ADGRB3: variants seen among roughly 807,000 people sequenced by gnomAD.
ADGRB3 encodes brain-specific angiogenesis inhibitor 3.
A neutral mutation model predicts 193.4 loss-of-function variants in ADGRB3; 37 were observed. The observed-to-expected ratio is 0.19, with a 90% CI of 0.15 to 0.25. The LOEUF (loss-of-function observed/expected upper bound fraction) is 0.25. Ranked by LOEUF, ADGRB3 falls within the 10% of genes least tolerant of loss-of-function variation. ADGRB3 has a pLI of 1.00. For synonymous variants in ADGRB3, 690 were observed against 644.2 expected (o/e 1.07, Z -1.08); for missense variants, 1,637 against 1,852.9 (o/e 0.88, Z 2.14).
chr6:68,839,310 A>G (rs1768105606), intron 3 of ADGRB3, among the ~76,000 whole-genome samples: 1 of 152,200 alleles, frequency 6.6e-6, no homozygotes, highest in Admixed American at 6.5e-5. Flanking sequence ...CAGTGTTGTA[A>G]TATATTTTAA....
intron 3 of ADGRB3, among the ~76,000 whole-genome samples, chr6:68,879,921 AG>A (rs1189659998): frequency 3.3e-5 from 5 of 152,270 alleles, no homozygotes; most frequent in African/African-American, 1.2e-4. Flanking sequence ...AGCAGATATG[AG>A]GCTTTCACTC....
intron 20 of ADGRB3, among the ~76,000 whole-genome samples, chr6:69,255,653 G>A (rs1766748647): frequency 6.6e-6 from 1 of 152,128 alleles, no homozygotes; most frequent in African/African-American, 2.4e-5. Flanking sequence ...TTTGTGGGTT[G>A]CCTGTTCACT....
intron 3 of ADGRB3, among the ~76,000 whole-genome samples, chr6:68,899,082 G>A (rs913166224): frequency 3.9e-5 from 6 of 152,092 alleles, no homozygotes; most frequent in African/African-American, 1.4e-4. Context: ...ATATACCATA[G>A]TAATGTAAGA....
chr6:68,814,061 G>A (rs574360182), intron 3 of ADGRB3, among the ~76,000 whole-genome samples: 6 of 152,010 alleles, frequency 3.9e-5, no homozygotes, highest in African/African-American at 1.5e-4. Flanking sequence ...TAATCCTTTG[G>A]GTATATACCC....
chr6:69,326,656 A>C (rs1278424831), intron 21 of ADGRB3, among the ~76,000 whole-genome samples: 1 of 152,134 alleles, frequency 6.6e-6, no homozygotes, highest in East Asian at 1.9e-4. Context: ...TCTAGAAAAA[A>C]TTTAATCTAA....
At chr6:69,036,589 A>C (rs1188533358) in intron 13 of ADGRB3, among the ~76,000 whole-genome samples, 1 of 152,152 alleles carries the variant, frequency 6.6e-6, no homozygotes, top group Non-Finnish European at 1.5e-5. Flanking sequence ...GTAAAAAAAA[A>C]ATTACATAAT....
At chr6:69,366,465 G>A (rs766182116) in intron 29 of ADGRB3, among the ~76,000 whole-genome samples, 12 of 152,186 alleles carry the variant, frequency 7.9e-5, no homozygotes, top group East Asian at 1.9e-4. Context: ...TTGCAGTGAC[G>A]AAAATAATGA....
At chr6:69,292,726 A>G (rs1416102131) in intron 20 of ADGRB3, among the ~76,000 whole-genome samples, 1 of 148,272 alleles carries the variant, frequency 6.7e-6, no homozygotes, top group African/African-American at 2.5e-5. Flanking sequence ...TTTTTTTTTT[A>G]TTATTACCAT....
In ADGRB3 at chr6:69,031,025, T is replaced by C. The variant is rs1388821771; in HGVS notation, c.2107+12526T>C. On this transcript the variant is annotated intron_variant, in intron 13 of 31. Coordinates refer to ENST00000370598, the MANE Select transcript of ADGRB3 (RefSeq NM_001704.3). ...CCTTTCTTTTCTTTTCTTTTTTTTT[T>C]CCTCTTCTCTTCTCTCTTCTCTTCT... 3.3e-4 allele frequency among the ~76,000 whole-genome samples: 23 copies of C among 68,964 alleles called. 2 individuals are homozygous for C. Among genetic ancestry groups the C allele is most frequent in the African/African-American group, 8.0e-4 (11 of 13,760 alleles). 45.2% of individuals were successfully genotyped at this position (68,964 alleles called of 152,430 possible).
chr6:69,132,536 G>T (rs1215267184), intron 17 of ADGRB3, among the ~76,000 whole-genome samples: 2 of 152,058 alleles, frequency 1.3e-5, no homozygotes, highest in Admixed American at 1.3e-4. Context: ...CCCTTTGTCA[G>T]ATGGATAGAT....
rs571741877 is a variant in ADGRB3 at position 68,961,709 on chromosome 6, G to T, written c.1525+4900G>T. 3.9e-5 allele frequency among the ~76,000 whole-genome samples: 6 copies of T among 152,168 alleles called. No individual in the cohort carries two copies. The East Asian group carries it at 7.7e-4, about 20-fold the overall frequency. ...ATAAAATTTACATTTCTTTTCTAAA[G>T]AGAAAATACACTACTCCATAATGAA... On this transcript the variant is annotated intron_variant, in intron 8 of 31. Coordinates refer to ENST00000370598, the MANE Select transcript of ADGRB3 (RefSeq NM_001704.3).
At chr6:69,170,053 A>C (rs1775233879) in intron 17 of ADGRB3, among the ~76,000 whole-genome samples, 1 of 152,096 alleles carries the variant, frequency 6.6e-6, no homozygotes, top group Non-Finnish European at 1.5e-5. Context: ...AATGAAGGGA[A>C]ATTGACCCTA....
chr6:68,928,283 T>C (rs1269620937), intron 3 of ADGRB3, among the ~76,000 whole-genome samples: 1 of 152,106 alleles, frequency 6.6e-6, no homozygotes, highest in Non-Finnish European at 1.5e-5. Flanking sequence ...CCCAACAATT[T>C]GGGAAGCAGA....
intron 26 of ADGRB3, among the ~76,000 whole-genome samples, chr6:69,350,607 A>G (rs1485152146): frequency 6.6e-6 from 1 of 152,128 alleles, no homozygotes; most frequent in Non-Finnish European, 1.5e-5. Flanking sequence ...AATGATTTTA[A>G]TATCTAATAA....
At chr6:69,152,863 T>C (rs888488886) in intron 17 of ADGRB3, among the ~76,000 whole-genome samples, 2 of 152,218 alleles carry the variant, frequency 1.3e-5, no homozygotes, top group Non-Finnish European at 2.9e-5. Flanking sequence ...GTGAAATGTC[T>C]AAATAAATTG....
intron 29 of ADGRB3, among the ~76,000 whole-genome samples, chr6:69,370,176 C>T (rs1769678245): frequency 6.6e-6 from 1 of 152,172 alleles, no homozygotes; most frequent in Non-Finnish European, 1.5e-5. Context: ...CTCAATTTTT[C>T]TTATTCATAA....
intron 17 of ADGRB3, among the ~76,000 whole-genome samples, chr6:69,093,005 C>T (rs905862069): frequency 2.0e-5 from 3 of 147,250 alleles, no homozygotes; most frequent in Admixed American, 6.8e-5. Flanking sequence ...AGGAAGCCGA[C>T]ATTCAGGGGT....
chr6:69,348,241 C>T (rs545244849), intron 26 of ADGRB3, among the ~76,000 whole-genome samples: 15 of 152,180 alleles, frequency 9.9e-5, no homozygotes, highest in South Asian at 8.3e-4. Flanking sequence ...TCATGCCTGC[C>T]GTTAACATCA....
intron 3 of ADGRB3, among the ~76,000 whole-genome samples, chr6:68,885,022 TTAAA>T (rs1409135717): frequency 5.9e-5 from 9 of 152,320 alleles, no homozygotes; most frequent in Middle Eastern, 6.8e-3. Flanking sequence ...CATAAAATAT[TTAAA>T]TAACAGTTCA....
Sources: allele counts gnomAD v4.1 joint callset (sites outside exome capture counted in the v4.1 genomes callset), GRCh38; gene constraint gnomAD v4.1.1; transcripts MANE v1.5; gene names NCBI Gene and HGNC (gene_info 2026-07-23, HGNC 2026-07-21).